The following RAB3GAP2 variants were observed in gnomAD, a reference collection of about 807,000 sequenced individuals.
RAB3GAP2 encodes RAB3 GTPase activating non-catalytic protein subunit 2.
In RAB3GAP2, 87 loss-of-function variants were observed where a neutral mutation model predicts 185.3. That is an observed-to-expected ratio of 0.47 (90% CI 0.39 to 0.56). The LOEUF (loss-of-function observed/expected upper bound fraction) is 0.56, where lower values mean the gene tolerates loss of function less well. Ranked by LOEUF, RAB3GAP2 falls within the 20% of genes least tolerant of loss-of-function variation. The probability of loss-of-function intolerance (pLI) is 0.00; values close to 1 mark genes in which losing one functional copy is unlikely to be tolerated. For synonymous variants in RAB3GAP2, 554 were observed against 576.1 expected, an observed-to-expected ratio of 0.96 and a Z score of 0.55; for missense variants, 1,492 against 1,638.2, an observed-to-expected ratio of 0.91 and a Z score of 1.54.
intron 1 of RAB3GAP2, among the ~76,000 whole-genome samples, chr1:220,233,858 G>A (rs535362581): frequency 2.6e-5 from 4 of 152,154 alleles, no homozygotes; most frequent in East Asian, 1.9e-4. Flanking sequence ...CTGCCACCAC[G>A]CCCGGCTGAT....
chr1:220,211,472 G>A (rs1034245311), intron 4 of RAB3GAP2: 5 of 420,026 alleles, frequency 1.2e-5, no homozygotes, highest in Non-Finnish European at 2.3e-5. Context: ...TTTCTGCAGG[G>A]TACATTATTT....
intron 1 of RAB3GAP2, among the ~76,000 whole-genome samples, chr1:220,260,384 G>C (rs1660110285): frequency 6.6e-6 from 1 of 152,128 alleles, no homozygotes; most frequent in African/African-American, 2.4e-5. Context: ...GAAAAATGTG[G>C]TATATATACA....
At chr1:220,183,620 G>A (rs1571887442) in intron 19 of RAB3GAP2, among the ~76,000 whole-genome samples, 1 of 152,052 alleles carries the variant, frequency 6.6e-6, no homozygotes, top group South Asian at 2.1e-4. Context: ...GGTGTCAAAC[G>A]CAACTCTTAC....
At chr1:220,272,061 C>A (rs1247620437) in intron 1 of RAB3GAP2, among the ~76,000 whole-genome samples, 162 bp downstream of exon 1, 2 of 151,584 alleles carry the variant, frequency 1.3e-5, no homozygotes, top group Admixed American at 1.3e-4. Flanking sequence ...GGCTTCAGGA[C>A]GAGGTGGGCA....
intron 21 of RAB3GAP2, among the ~76,000 whole-genome samples, chr1:220,174,257 T>C (rs1040919141): frequency 4.6e-5 from 7 of 151,894 alleles, no homozygotes; most frequent in Admixed American, 2.6e-4. Flanking sequence ...ACCACACATA[T>C]ATACACACAC....
At chr1:220,223,440 T>G (rs927079511) in intron 2 of RAB3GAP2, among the ~76,000 whole-genome samples, 10 of 152,030 alleles carry the variant, frequency 6.6e-5, no homozygotes, top group Non-Finnish European at 1.3e-4. Flanking sequence ...TGGTATGCGT[T>G]CCCCAAAAGA....
intron 21 of RAB3GAP2, among the ~76,000 whole-genome samples, chr1:220,174,091 T>TA (rs893718167): frequency 7.9e-5 from 12 of 151,360 alleles, no homozygotes; most frequent in East Asian, 1.9e-4. Flanking sequence ...CAAATAAATT[T>TA]AAAAAAAAGA....
At chr1:220,247,593 G>A (rs1479054626) in intron 1 of RAB3GAP2, among the ~76,000 whole-genome samples, 4 of 152,216 alleles carry the variant, frequency 2.6e-5, no homozygotes, top group East Asian at 1.9e-4. Flanking sequence ...CTGAGGACTC[G>A]ATGAGGGGAG....
At chr1:220,242,239 T>C (rs892643933) in intron 1 of RAB3GAP2, among the ~76,000 whole-genome samples, 3 of 152,186 alleles carry the variant, frequency 2.0e-5, no homozygotes, top group Non-Finnish European at 2.9e-5. Flanking sequence ...ATTGTTTTAT[T>C]TCATAGTTAG....
In RAB3GAP2 at chr1:220,190,481, A is replaced by T. The variant is rs776807206; in HGVS notation, c.1527T>A (p.Asn509Lys). 4.4e-6 allele frequency: 7 copies of T among 1,607,826 alleles called. No individual in the cohort carries two copies. In the South Asian group the frequency reaches 7.7e-5, roughly 18 times the overall value. ...YPGYKIMGLN[N>K]VTSQSWQPQT... ...GTGGCTGCCAACTCTGACTGGTAAC[A>T]TTATTTAAACCCATTATTTTATAGC... The change falls in exon 15 of 35, where the codon AAT (asparagine) becomes AAA (lysine). Residue 509 changes from asparagine to lysine, a missense_variant. This residue lies in a region of RAB3GAP2 where 681 missense variants were observed against 689.1 expected (regional missense o/e 0.99). Transcript: ENST00000358951.
At chr1:220,200,593 C>A (rs1469346503) in intron 9 of RAB3GAP2, 1 of 529,488 alleles carries the variant, frequency 1.9e-6, no homozygotes, top group African/African-American at 1.9e-5. Flanking sequence ...TCTATCCAAT[C>A]ATTTTCCCTA....
chr1:220,202,680 T>C (rs887621595), intron 8 of RAB3GAP2, among the ~76,000 whole-genome samples: 6 of 152,114 alleles, frequency 3.9e-5, no homozygotes, highest in African/African-American at 7.2e-5. Context: ...TGGTGGCTCA[T>C]GCCTGTAATC....
chr1:220,227,296 A>T (rs1401486585), intron 2 of RAB3GAP2, among the ~76,000 whole-genome samples: 3 of 152,208 alleles, frequency 2.0e-5, no homozygotes, highest in African/African-American at 7.2e-5. Flanking sequence ...TTCTTCACTA[A>T]GCCATTATTA....
At chr1:220,162,146 G>C in intron 28 of RAB3GAP2, 52 bp downstream of exon 28, 1 of 1,305,596 alleles carries the variant, frequency 7.7e-7, no homozygotes, top group Non-Finnish European at 1.1e-6. Context: ...TCTAATATTA[G>C]TCAAATAAGA....
At chr1:220,164,477 T>TG (rs1050551725) in intron 27 of RAB3GAP2, among the ~76,000 whole-genome samples, 17 of 146,796 alleles carry the variant, frequency 1.2e-4, no homozygotes, top group African/African-American at 4.0e-4. Context: ...TGTTTTGTTT[T>TG]TTTTTTTTTT....
In RAB3GAP2 at chr1:220,148,754, G is replaced by A. The variant is rs1193422227; in HGVS notation, c.*2497C>T. On this transcript the variant is annotated 3_prime_UTR_variant, in exon 35 of 35. Coordinates refer to ENST00000358951, the MANE Select transcript of RAB3GAP2 (RefSeq NM_012414.4). Reference sequence around the variant, plus strand: ...AAAGTAAAACTTTTTTTTTCTGTTTGCAAAAGTATGAAGCATTAAGAAGCA... The same window carrying A: ...AAAGTAAAACTTTTTTTTTCTGTTTACAAAAGTATGAAGCATTAAGAAGCA... 1 of 151,428 alleles carries A rather than the reference G, an allele frequency of 6.6e-6. No individual in the cohort carries two copies. Among genetic ancestry groups the A allele is most frequent in the African/African-American group, 2.4e-5 (1 of 41,176 alleles). The allele number at this position is 151,428 out of a possible 1,614,324, so 9.4% of individuals were successfully genotyped here.
At chr1:220,182,455 T>C (rs1418218944) in intron 20 of RAB3GAP2, 101 bp from the exon 21 acceptor site, 1 of 1,550,614 alleles carries the variant, frequency 6.4e-7, no homozygotes, top group Non-Finnish European at 8.7e-7. Flanking sequence ...AACAAAACAT[T>C]ATGAAGGAAG....
At chr1:220,231,468 A>G (rs1659499451) in intron 2 of RAB3GAP2, among the ~76,000 whole-genome samples, 1 of 152,144 alleles carries the variant, frequency 6.6e-6, no homozygotes, top group African/African-American at 2.4e-5. Context: ...CCTCTCATAG[A>G]GTGTAAGCTC....
At position 220,171,193 on chromosome 1, in the gene RAB3GAP2, T is replaced by G; in HGVS notation, c.2578-73A>C. The G allele has an allele frequency of 2.4e-6, 3 of 1,266,294 alleles. No homozygotes were observed. The South Asian group carries it at 3.7e-5, about 15-fold the overall frequency. 78.4% of individuals were successfully genotyped at this position (1,266,294 alleles called of 1,614,324 possible). ...TATTAACTTGAATGAGCTTTTAACT[T>G]GAAAGCTGATGGATACTGAGGATAC... On this transcript the variant is annotated intron_variant, in intron 23 of 34. Transcript: ENST00000358951.
Sources: allele counts gnomAD v4.1 joint callset (sites outside exome capture counted in the v4.1 genomes callset), GRCh38; gene constraint gnomAD v4.1.1; regional missense constraint gnomAD v4.1.1; transcripts MANE v1.5; gene names NCBI Gene and HGNC (gene_info 2026-07-23, HGNC 2026-07-21).